Variants in RBM12B observed in about 807,000 individuals in gnomAD.
The protein encoded by RBM12B is RNA-binding protein 12B.
A neutral mutation model predicts 34.3 loss-of-function variants in RBM12B; 10 were observed. The ratio of observed to expected loss-of-function variants is 0.29; its 90% CI spans 0.18 to 0.49. RBM12B has a LOEUF of 0.49. Among genes scored for constraint, RBM12B ranks in the 20% least tolerant of loss-of-function variants. RBM12B has a pLI of 0.99. For missense variants in RBM12B, 1,139 were observed against 1,262.7 expected (o/e 0.90, Z 1.48); for synonymous variants, 477 against 437.1 (o/e 1.09, Z -1.14).
Position 93,734,452 on chromosome 8 carries a change from TTGCCTGAAGTCCTCCTCGGGGAGC to T in RBM12B, c.1935_1958del (p.Leu646_Gln653del), listed in dbSNP as rs754122045. On this transcript the variant is annotated inframe_deletion, in exon 4 of 4. Transcript: ENST00000520560. The stretch of plus-strand genomic sequence containing the variant: ...GCCACCTTAAGTCCTCCTCAGGGGG[TTGCCTGAAGTCCTCCTCGGGGAGC>T]TGCCTGAAGTCCTCCGTGGGAGACC... 2.6e-4 allele frequency: 414 copies of T among 1,598,754 alleles called. No individual in the cohort carries two copies. Among genetic ancestry groups the T allele is most frequent in the Non-Finnish European group, 3.3e-4 (390 of 1,172,978 alleles).
rs1322035834 is a variant in RBM12B, at chr8:93,733,558, T to A, written c.2853A>T (p.Ile951=). The change falls in exon 4 of 4, where the codon ATA becomes ATT. Residue 951 remains isoleucine, a synonymous_variant. Coordinates refer to ENST00000520560, the MANE Select transcript of RBM12B (RefSeq NM_001377960.1). ...ILDFFHGYRI[I]PDSVSIQYNE... The stretch of plus-strand genomic sequence containing the variant: ...TATACTGTATCGAAACTGAATCAGG[T>A]ATGATTCTGTAACCATGGAAAAAGT... 6.2e-7 allele frequency: 1 copy of A among 1,613,408 alleles called. No homozygotes were observed. The highest frequency in any genetic ancestry group is 8.5e-7 in the Non-Finnish European group (1 of 1,179,436).
At position 93,740,697 on chromosome 8, in the gene RBM12B, C is replaced by G. The variant is rs959826696; in HGVS notation, c.-145-1G>C. On this transcript the variant is annotated splice_acceptor_variant, in intron 1 of 3. Coordinates refer to ENST00000520560, the MANE Select transcript of RBM12B (RefSeq NM_001377960.1). LOFTEE classifies it low-confidence loss of function (5UTR_SPLICE). The stretch of plus-strand genomic sequence containing the variant: ...GCGCACATACACCACCACATGGAAG[C>G]TGACGGGAAAGGAAGAGTCGGTGTT... 70 of 361,288 alleles carry G rather than the reference C, an allele frequency of 1.9e-4. No homozygotes were observed. Among genetic ancestry groups the G allele is most frequent in the Admixed American group, 1.8e-3 (49 of 26,952 alleles). 22.4% of individuals were successfully genotyped at this position (361,288 alleles called of 1,614,324 possible). A position where few individuals can be genotyped will look rare whatever the true frequency, so the allele number is the denominator to read the frequency against.
In RBM12B at chr8:93,732,943, AG is replaced by A. The variant is rs1344418758; in HGVS notation, c.*461del. On this transcript the variant is annotated 3_prime_UTR_variant, in exon 4 of 4. Transcript: ENST00000520560. The stretch of plus-strand genomic sequence containing the variant: ...ACTTAACACAGTAATATCTTAGACA[AG>A]GAAGAGGGCATTAATTCTGCAGGCA... 6.6e-6 allele frequency: 1 copy of A among 152,462 alleles called. No individual in the cohort carries two copies. Among genetic ancestry groups the A allele is most frequent in the African/African-American group, 2.4e-5 (1 of 41,468 alleles). 9.4% of individuals were successfully genotyped at this position (152,462 alleles called of 1,614,324 possible). A position where few individuals can be genotyped will look rare whatever the true frequency, so the allele number is the denominator to read the frequency against.
At chr8:93,736,880 A>G (rs1030548569) in intron 3 of RBM12B, among the ~76,000 whole-genome samples, 4 of 152,236 alleles carry the variant, frequency 2.6e-5, no homozygotes, top group African/African-American at 9.6e-5. Context: ...TCTGCTCATG[A>G]TAATAAATTG....
In RBM12B at chr8:93,735,569, G is replaced by A; in HGVS notation, c.842C>T (p.Pro281Leu). 3 of 1,614,118 alleles carry A rather than the reference G, an allele frequency of 1.9e-6. No individual in the cohort carries two copies. Among genetic ancestry groups the A allele is most frequent in the Non-Finnish European group, 2.5e-6 (3 of 1,180,020 alleles). Reference sequence around the variant, plus strand: ...TTTTAAGTGAACATAAAATCCAAGAGGGGAACGAGAACGTGTTCTTCTGGG... The same window carrying A: ...TTTTAAGTGAACATAAAATCCAAGAAGGGAACGAGAACGTGTTCTTCTGGG... ...KSPRRTRSRS[P>L]LGFYVHLKNL... is the part of the protein sequence containing the mutation. The change falls in exon 4 of 4, where the codon CCT (proline) becomes CTT (leucine). Residue 281 changes from proline (P) to leucine (L), a missense_variant. Pro to Leu is a moderately conservative substitution (Grantham distance 98, BLOSUM62 -3). Transcript: ENST00000520560.
At chr8:93,739,107 T>C (rs905205941) in intron 2 of RBM12B, 1 of 152,224 alleles carries the variant, frequency 6.6e-6, no homozygotes, top group African/African-American at 2.4e-5. Context: ...TTTATCCATA[T>C]TAAAGTCCCA....
chr8:93,735,975 T>G lies in RBM12B; in HGVS notation c.436A>C (p.Lys146Gln). Residue 146 changes from lysine to glutamine, a missense_variant, in exon 4 of 4, where the codon AAG becomes CAG. Lys to Gln is a moderately conservative substitution (Grantham distance 53, BLOSUM62 1). This residue lies in a region of RBM12B where 216 missense variants were observed against 292.2 expected (regional missense o/e 0.74). Coordinates refer to ENST00000520560, the MANE Select transcript of RBM12B (RefSeq NM_001377960.1). ...GTGHGNLRPR[K>Q]TRPLKAENPY... ...TTCTCGGCCTTCAATGGCCTTGTCTTTCTTGGCCTTAAATTACCATGTCCT... is the reference window on the plus strand; with the variant it reads ...TTCTCGGCCTTCAATGGCCTTGTCTGTCTTGGCCTTAAATTACCATGTCCT... 6.2e-7 allele frequency: 1 copy of G among 1,614,206 alleles called. No homozygotes were observed.
At position 93,736,275 on chromosome 8, in the gene RBM12B, T is replaced by C. The variant is rs1482228543; in HGVS notation, c.136A>G (p.Ile46Val). 1 of 1,614,078 alleles carries C rather than the reference T, an allele frequency of 6.2e-7. No individual in the cohort carries two copies. The highest frequency in any genetic ancestry group is 8.5e-7 in the Non-Finnish European group (1 of 1,180,014). ...CTTGCATCTTCATCTGTTGCAAAAA[T>C]AATAAAAGCCTCCCCAATTTCCCCT... ...IGGEIGEAFI[I>V]FATDEDARRA... Residue 46 changes from isoleucine to valine, a missense_variant, in exon 4 of 4, where the codon ATT becomes GTT. Around this residue, in one of 3 missense-constraint regions of RBM12B, gnomAD observed 216 missense variants for 292.2 expected, o/e 0.74. Coordinates refer to ENST00000520560, the MANE Select transcript of RBM12B (RefSeq NM_001377960.1).
Position 93,730,549 on chromosome 8 carries a change from G to A in RBM12B, c.*2856C>T, listed in dbSNP as rs1811749652. 1 of 152,182 alleles carries A rather than the reference G, an allele frequency of 6.6e-6. No individual in the cohort carries two copies. The highest frequency in any genetic ancestry group is 1.5e-5 in the Non-Finnish European group (1 of 68,046). The allele number at this position is 152,182 out of a possible 1,614,324, so 9.4% of individuals were successfully genotyped here. On this transcript the variant is annotated 3_prime_UTR_variant, in exon 4 of 4. Coordinates refer to ENST00000520560, the MANE Select transcript of RBM12B (RefSeq NM_001377960.1). Reference sequence around the variant, plus strand: ...GACAATTACTGAAGCTGAGTGATGTGTACATGAAAATTTACTATTCTTTTT... The same window carrying A: ...GACAATTACTGAAGCTGAGTGATGTATACATGAAAATTTACTATTCTTTTT...
rs146196931 is a variant in RBM12B, at chr8:93,740,348, G to A, written c.-78+281C>T. The A allele has an allele frequency of 4.2e-4, 194 of 457,422 alleles. 2 individuals are homozygous for A. In the Admixed American group the frequency reaches 4.4e-3, roughly 10 times the overall value. 28.3% of individuals were successfully genotyped at this position (457,422 alleles called of 1,614,324 possible). Reference sequence around the variant, plus strand: ...CTTTGTCCACAACTCCCAGGGGTCAGAGCTTCCTTCTTTCGCGCCAGGCCA... The same window carrying A: ...CTTTGTCCACAACTCCCAGGGGTCAAAGCTTCCTTCTTTCGCGCCAGGCCA... On this transcript the variant is annotated intron_variant, in intron 2 of 3. Transcript: ENST00000520560.
intron 2 of RBM12B, chr8:93,740,351 C>T (rs1484870811): frequency 2.2e-6 from 1 of 457,296 alleles, no homozygotes; most frequent in African/African-American, 2.0e-5. Context: ...GGGGTCAGAG[C>T]TTCCTTCTTT....
intron 2 of RBM12B, among the ~76,000 whole-genome samples, chr8:93,737,807 C>CAAAAAAAAAAAAAAA (rs78204688): frequency 9.9e-6 from 1 of 100,590 alleles, no homozygotes; most frequent in Non-Finnish European, 2.3e-5. Flanking sequence ...ACCCAAAGTT[C>CAAAAAAAAAAAAAAA]AAAAAAAAAA....
rs768070031 is a variant in RBM12B at position 93,734,238 on chromosome 8, T to G, written c.2173A>C (p.Arg725=). ...FRQSPQEHFR[R]PPQEHFRRPP... is the part of the protein sequence containing the mutation. ...CGACGGAAATGCTCCTGAGGTGGCC[T>G]CCGGAAATGCTCCTGGGGTGACTGC... Residue 725 remains arginine, a synonymous_variant, in exon 4 of 4, where the codon AGG becomes CGG. Transcript: ENST00000520560. 6.2e-7 allele frequency: 1 copy of G among 1,604,756 alleles called. No homozygotes were observed. The highest frequency in any genetic ancestry group is 8.5e-7 in the Non-Finnish European group (1 of 1,175,286).
Position 93,735,531 on chromosome 8 carries a change from T to G in RBM12B, c.880A>C (p.Ser294Arg). 6.2e-7 allele frequency: 1 copy of G among 1,614,106 alleles called. No homozygotes were observed. The highest frequency in any genetic ancestry group is 8.5e-7 in the Non-Finnish European group (1 of 1,179,988). The stretch of plus-strand genomic sequence containing the variant: ...TTTCTTAAATCTCTTTCGTCAATAC[T>G]GAGGGACAGATTTTTTAAGTGAACA... Reference protein sequence around the residue: ...FYVHLKNLSLSIDERDLRNFF... With the variant: ...FYVHLKNLSLRIDERDLRNFF... Residue 294 changes from serine to arginine, a missense_variant, in exon 4 of 4, where the codon AGT becomes CGT. This residue lies in a region of RBM12B where 863 missense variants were observed against 869.5 expected (regional missense o/e 0.99). Coordinates refer to ENST00000520560, the MANE Select transcript of RBM12B (RefSeq NM_001377960.1).
chr8:93,734,105 T>C lies in RBM12B; in HGVS notation c.2306A>G (p.Glu769Gly). ...CTCCGGGGGCGGGCGCCTGAAATGCTCTGGGGGTGGCCGCCTGAAGTGCTC... is the reference window on the plus strand; with the variant it reads ...CTCCGGGGGCGGGCGCCTGAAATGCCCTGGGGGTGGCCGCCTGAAGTGCTC... ...PPEHFRRPPP[E>G]HFRRPPPEHF... Residue 769 changes from glutamate (E) to glycine (G), a missense_variant, in exon 4 of 4, where the codon GAG becomes GGG. Physicochemically the swap from Glu to Gly is moderately conservative, Grantham distance 98. This residue lies in a region of RBM12B where 863 missense variants were observed against 869.5 expected (regional missense o/e 0.99). Coordinates refer to ENST00000520560, the MANE Select transcript of RBM12B (RefSeq NM_001377960.1). 1 of 1,559,590 alleles carries C rather than the reference T, an allele frequency of 6.4e-7. No individual in the cohort carries two copies. The highest frequency in any genetic ancestry group is 8.7e-7 in the Non-Finnish European group (1 of 1,155,188).
Position 93,734,283 on chromosome 8 carries a change from A to T in RBM12B, c.2128T>A (p.Ser710Thr). ...GACTGCCTGAAGTCCTCCTCAGGGG[A>T]ATGCCTGAAATCCTCCTCTGGGGGC... ...RRPPEEDFRH[S>T]PEEDFRQSPQ... Residue 710 changes from serine (S) to threonine (T), a missense_variant, in exon 4 of 4, where the codon TCC becomes ACC. Ser to Thr is a moderately conservative substitution (Grantham distance 58, BLOSUM62 1). Transcript: ENST00000520560. 1 of 1,607,232 alleles carries T rather than the reference A, an allele frequency of 6.2e-7. No individual in the cohort carries two copies. Among genetic ancestry groups the T allele is most frequent in the Middle Eastern group, 1.7e-4 (1 of 6,024 alleles).
chr8:93,736,630 T>C (rs986131867), intron 3 of RBM12B, among the ~76,000 whole-genome samples, 192 bp from the exon 4 acceptor site: 2 of 152,200 alleles, frequency 1.3e-5, no homozygotes, highest in African/African-American at 4.8e-5. Context: ...CATCTAAAAA[T>C]ACAAATAAAC....
Position 93,735,923 on chromosome 8 carries a change from G to C in RBM12B, c.488C>G (p.Pro163Arg). The change falls in exon 4 of 4, where the codon CCT becomes CGT. Residue 163 changes from proline (P) to arginine (R), a missense_variant. Pro to Arg is a moderately radical substitution (Grantham distance 103). Coordinates refer to ENST00000520560, the MANE Select transcript of RBM12B (RefSeq NM_001377960.1). ...ENPYLFLRGLPYLVNEDDVRV... is the reference protein window; with the variant it reads ...ENPYLFLRGLRYLVNEDDVRV... Reference sequence around the variant, plus strand: ...TACATCATCTTCATTTACTAGGTAAGGCAAACCTCGTAGAAACAAGTAAGG... The same window carrying C: ...TACATCATCTTCATTTACTAGGTAACGCAAACCTCGTAGAAACAAGTAAGG... 1 of 1,614,178 alleles carries C rather than the reference G, an allele frequency of 6.2e-7. No homozygotes were observed. The highest frequency in any genetic ancestry group is 1.1e-5 in the South Asian group (1 of 91,072).
Position 93,736,036 on chromosome 8 carries a change from TG to T in RBM12B, c.374del (p.Ser125Ter). ...EEASNSGYGS[S>X]INQDAGFHTN... ...TATGAAACCCAGCATCTTGATTAAT[TG>T]AAGAGCCATATCCAGAATTACTTGC... On this transcript the variant is annotated frameshift_variant, in exon 4 of 4. Coordinates refer to ENST00000520560, the MANE Select transcript of RBM12B (RefSeq NM_001377960.1). LOFTEE classifies it high-confidence loss of function. The T allele has an allele frequency of 6.2e-7, 1 of 1,614,216 alleles. No homozygotes were observed. Among genetic ancestry groups the T allele is most frequent in the Non-Finnish European group, 8.5e-7 (1 of 1,180,042 alleles).
Sources: allele counts gnomAD v4.1 joint callset (sites outside exome capture counted in the v4.1 genomes callset), GRCh38; gene constraint gnomAD v4.1.1; regional missense constraint gnomAD v4.1.1; transcripts MANE v1.5; gene names NCBI Gene and HGNC (gene_info 2026-07-23, HGNC 2026-07-21).